Variants in PDZD2 observed in about 807,000 individuals in gnomAD.
PDZD2 encodes PDZ domain containing 2, also known as PDZ domain-containing protein 2.
PDZD2 carries 90 observed loss-of-function variants against 220.7 expected under a neutral mutation model. The observed-to-expected ratio is 0.41, with a 90% CI of 0.34 to 0.49. PDZD2 has a LOEUF of 0.49. Ranked by LOEUF, PDZD2 falls within the 20% of genes least tolerant of loss-of-function variation. The pLI, the probability that PDZD2 is intolerant of heterozygous loss-of-function variation, is 0.28. For missense variants in PDZD2, 3,174 were observed against 3,608.5 expected (o/e 0.88, Z 3.08); for synonymous variants, 1,375 against 1,450.5 (o/e 0.95, Z 1.18).
intron 2 of PDZD2, among the ~76,000 whole-genome samples, chr5:31,971,618 G>A (rs1749305416): frequency 6.6e-6 from 1 of 152,190 alleles, no homozygotes; most frequent in South Asian, 2.1e-4. Context: ...CATTTTCACT[G>A]CTATTCTACA....
intron 1 of PDZD2, among the ~76,000 whole-genome samples, chr5:31,729,667 T>TA (rs1749402613): frequency 6.6e-6 from 1 of 152,332 alleles, no homozygotes; most frequent in Admixed American, 6.5e-5. Flanking sequence ...AACAATCTTT[T>TA]TACCTGAGGG....
chr5:31,858,035 A>G (rs564578415), intron 2 of PDZD2, among the ~76,000 whole-genome samples: 34 of 152,248 alleles, frequency 2.2e-4, no homozygotes, highest in African/African-American at 7.2e-4. Flanking sequence ...TGTGTTGGCT[A>G]GGCTGGTCTC....
chr5:31,933,801 A>T (rs1017950919), intron 2 of PDZD2, among the ~76,000 whole-genome samples: 1 of 152,154 alleles, frequency 6.6e-6, no homozygotes, highest in Non-Finnish European at 1.5e-5. Context: ...CTCCCGGGTG[A>T]TGGACAGTGA....
At position 31,799,057 on chromosome 5, in the gene PDZD2, T is replaced by C. The variant is rs139671607; in HGVS notation, c.-192T>C. The stretch of plus-strand genomic sequence containing the variant: ...GCCATTGTTCCACAGTTGTTCTAAT[T>C]GGGTCCTAGCTTCCTCCTGCCAAGG... On this transcript the variant is annotated 5_prime_UTR_variant, in exon 2 of 25. Coordinates refer to ENST00000438447, the MANE Select transcript of PDZD2 (RefSeq NM_178140.4). The C allele has an allele frequency of 1.5e-3, 860 of 575,170 alleles. 13 individuals are homozygous for C. In the East Asian group the frequency reaches 0.022, roughly 15 times the overall value. The allele number at this position is 575,170 out of a possible 1,614,324, so 35.6% of individuals were successfully genotyped here.
chr5:31,839,827 C>T (rs1757159862), intron 2 of PDZD2, among the ~76,000 whole-genome samples: 2 of 152,156 alleles, frequency 1.3e-5, no homozygotes, highest in Admixed American at 6.5e-5. Flanking sequence ...AGTGAGTTCT[C>T]ACAAGATCTG....
intron 1 of PDZD2, among the ~76,000 whole-genome samples, chr5:31,682,137 G>A (rs115441564): frequency 1.3e-3 from 203 of 152,290 alleles, no homozygotes; most frequent in African/African-American, 4.7e-3. Context: ...AGGCGAGAGC[G>A]AGGGTAGCAA....
chr5:32,032,617 C>T (rs546189215), intron 6 of PDZD2, among the ~76,000 whole-genome samples: 10 of 152,276 alleles, frequency 6.6e-5, no homozygotes, highest in African/African-American at 2.4e-4. Flanking sequence ...CTTTTGTCTT[C>T]TGTTTTCTTT....
intron 3 of PDZD2, among the ~76,000 whole-genome samples, chr5:31,990,630 T>C (rs890042679): frequency 6.6e-6 from 1 of 152,202 alleles, no homozygotes; most frequent in African/African-American, 2.4e-5. Context: ...AACTGTAAGA[T>C]TAGCGGATAA....
intron 1 of PDZD2, among the ~76,000 whole-genome samples, chr5:31,770,104 A>G (rs1752253852): frequency 6.6e-6 from 1 of 152,240 alleles, no homozygotes; most frequent in South Asian, 2.1e-4. Flanking sequence ...GTTCTGCATA[A>G]TCACAAAGAA....
At chr5:31,926,336 G>GGA (rs567359240) in intron 2 of PDZD2, among the ~76,000 whole-genome samples, 7 of 151,402 alleles carry the variant, frequency 4.6e-5, no homozygotes, top group African/African-American at 1.7e-4. Context: ...CGAGACCAGC[G>GGA]GCCAACATGG....
Position 31,887,179 on chromosome 5 carries a change from C to T in PDZD2, c.476+87455C>T, listed in dbSNP as rs140048299. On this transcript the variant is annotated intron_variant, in intron 2 of 24. Coordinates refer to ENST00000438447, the MANE Select transcript of PDZD2 (RefSeq NM_178140.4). ...TCAATGAGTTCTGAAAATCCTACAA[C>T]GTAGTGGATATTTTTAAGTACACAC... 4.1e-4 allele frequency among the ~76,000 whole-genome samples: 63 copies of T among 152,240 alleles called. No individual in the cohort carries two copies. The East Asian group carries it at 0.011, about 28-fold the overall frequency.
chr5:32,011,720 A>G (rs1000975905), intron 6 of PDZD2, among the ~76,000 whole-genome samples: 4 of 152,096 alleles, frequency 2.6e-5, no homozygotes, highest in African/African-American at 9.7e-5. Context: ...TTTGCTTAGA[A>G]TAAGGCCTTA....
At position 31,923,410 on chromosome 5, in the gene PDZD2, T is replaced by C; in HGVS notation, c.477-59745T>C. The C allele has an allele frequency of 5.5e-6, 7 of 1,261,780 alleles. No homozygotes were observed. In the Admixed American group the frequency reaches 8.5e-5, roughly 15 times the overall value. 78.2% of individuals were successfully genotyped at this position (1,261,780 alleles called of 1,614,324 possible). A position where few individuals can be genotyped will look rare whatever the true frequency, so the allele number is the denominator to read the frequency against. ...GAGGCCAAGCAGAGACTGCAGCAGC[T>C]CTTCAACGGGGGCCAGTTTGCCATC... On this transcript the variant is annotated intron_variant, in intron 2 of 24. Transcript: ENST00000438447.
Position 32,077,402 on chromosome 5 carries a change from T to C in PDZD2, c.3538-60T>C, listed in dbSNP as rs529956961. 201 of 1,574,570 alleles carry C rather than the reference T, an allele frequency of 1.3e-4. 1 individual carries two copies. The South Asian group carries it at 2.1e-3, about 17-fold the overall frequency. On this transcript the variant is annotated intron_variant, in intron 18 of 24. Coordinates refer to ENST00000438447, the MANE Select transcript of PDZD2 (RefSeq NM_178140.4). ...GCTCTGCTCTCTATATATGATCTCA[T>C]CTTACGGTGCAGAAAGCCTGAAAGT...
intron 2 of PDZD2, among the ~76,000 whole-genome samples, chr5:31,889,949 G>C (rs1019867773): frequency 2.0e-5 from 3 of 151,938 alleles, no homozygotes; most frequent in African/African-American, 7.3e-5. Context: ...TTGAACCCGG[G>C]GGGGCAGAGG....
At chr5:31,659,280 C>A (rs1215511034) in intron 1 of PDZD2, among the ~76,000 whole-genome samples, 1 of 152,102 alleles carries the variant, frequency 6.6e-6, no homozygotes, top group Non-Finnish European at 1.5e-5. Context: ...AGGTTCTCAT[C>A]TCACCCTCTG....
intron 13 of PDZD2, among the ~76,000 whole-genome samples, chr5:32,060,014 C>T (rs1238198375): frequency 6.6e-6 from 1 of 152,152 alleles, no homozygotes. Context: ...GTGTATTGCA[C>T]AAAGCACCCT....
At chr5:31,948,868 G>C (rs546105383) in intron 2 of PDZD2, among the ~76,000 whole-genome samples, 1 of 152,052 alleles carries the variant, frequency 6.6e-6, no homozygotes, top group Non-Finnish European at 1.5e-5. Context: ...GGAGGCCAAG[G>C]AGGGTGGATC....
At chr5:31,888,726 C>G (rs951008224) in intron 2 of PDZD2, among the ~76,000 whole-genome samples, 1 of 152,170 alleles carries the variant, frequency 6.6e-6, no homozygotes, top group Non-Finnish European at 1.5e-5. Context: ...TTTCTTAACA[C>G]TAAATCATTC....
Sources: allele counts gnomAD v4.1 joint callset (sites outside exome capture counted in the v4.1 genomes callset), GRCh38; gene constraint gnomAD v4.1.1; transcripts MANE v1.5; gene names NCBI Gene and HGNC (gene_info 2026-07-23, HGNC 2026-07-21).